TNFAIP8: variants seen among roughly 807,000 people sequenced by gnomAD.
TNFAIP8 encodes the protein TNF alpha induced protein 8.
A neutral mutation model predicts 13.3 loss-of-function variants in TNFAIP8; 7 were observed. That is an observed-to-expected ratio of 0.52 (90% CI 0.30 to 0.99). The LOEUF is 0.99. Among genes scored for constraint, TNFAIP8 ranks in the 50% least tolerant of loss-of-function variants. The pLI is 0.07. For synonymous variants in TNFAIP8, 94 were observed against 87.6 expected, an observed-to-expected ratio of 1.07 and a Z score of -0.41; for missense variants, 258 against 236.9, an observed-to-expected ratio of 1.09 and a Z score of -0.58.
chr5:119,273,186 G>A (rs533990668), intron 1 of TNFAIP8, among the ~76,000 whole-genome samples: 1 of 152,260 alleles, frequency 6.6e-6, no homozygotes, highest in South Asian at 2.1e-4. Flanking sequence ...GTAAAAACTG[G>A]GGATAGTATT....
Position 119,393,124 on chromosome 5 carries a change from G to A in TNFAIP8, c.340G>A (p.Val114Ile). 1.2e-6 allele frequency: 2 copies of A among 1,613,998 alleles called. No homozygotes were observed. The highest frequency in any genetic ancestry group is 1.1e-5 in the South Asian group (1 of 91,086). Residue 114 changes from valine (V) to isoleucine (I), a missense_variant, in exon 2 of 2, where the codon GTC becomes ATC. Transcript: ENST00000504771. ...AGTTCATCAGCTTGCTATGACCGTG[G>A]TCAGTTTCCATCAGGTGGATTATAC... ...KKVHQLAMTVVSFHQVDYTFD... is the reference protein window; with the variant it reads ...KKVHQLAMTVISFHQVDYTFD...
chr5:119,322,621 A>G (rs1418467835), intron 1 of TNFAIP8, among the ~76,000 whole-genome samples: 1 of 152,208 alleles, frequency 6.6e-6, no homozygotes, highest in East Asian at 1.9e-4. Context: ...CTGGTCCTCC[A>G]TAATCCACTT....
chr5:119,385,277 G>T (rs1392495402), intron 1 of TNFAIP8, among the ~76,000 whole-genome samples: 1 of 152,192 alleles, frequency 6.6e-6, no homozygotes, highest in African/African-American at 2.4e-5. Context: ...CATCCATGCT[G>T]TTCTTAATTG....
At chr5:119,322,056 C>T (rs575678098) in intron 1 of TNFAIP8, among the ~76,000 whole-genome samples, 1 of 152,288 alleles carries the variant, frequency 6.6e-6, no homozygotes, top group Admixed American at 6.5e-5. Context: ...AGCCCCTTCC[C>T]TATAGATTGT....
chr5:119,318,129 C>T (rs777305788), intron 1 of TNFAIP8, among the ~76,000 whole-genome samples: 4 of 151,994 alleles, frequency 2.6e-5, no homozygotes, highest in Non-Finnish European at 4.4e-5. Flanking sequence ...TTTTCTTCCC[C>T]AAAACTGATC....
At chr5:119,381,446 G>A (rs960638132) in intron 1 of TNFAIP8, among the ~76,000 whole-genome samples, 4 of 152,096 alleles carry the variant, frequency 2.6e-5, no homozygotes, top group Admixed American at 6.5e-5. Context: ...AGGCTGAGGT[G>A]GGAGGATTAC....
rs141341681 is a variant in TNFAIP8 at position 119,301,537 on chromosome 5, TG to T, written c.1+32631del. Reference sequence around the variant, plus strand: ...ATATGTGGTTTTGCCATTATTTATATGCCATAGCTCCTTCAGGCTGGAGACA... The same window carrying T: ...ATATGTGGTTTTGCCATTATTTATATCCATAGCTCCTTCAGGCTGGAGACA... On this transcript the variant is annotated intron_variant, in intron 1 of 1. Coordinates refer to the TNFAIP8 transcript ENST00000274456. Among the ~76,000 whole-genome samples the T allele has an allele frequency of 6.3e-3, 961 of 152,362 alleles. 13 individuals are homozygous for T. Among genetic ancestry groups the T allele is most frequent in the East Asian group, 0.063 (324 of 5,182 alleles).
chr5:119,279,651 AG>A (rs1748569770), intron 1 of TNFAIP8, among the ~76,000 whole-genome samples: 2 of 152,126 alleles, frequency 1.3e-5, no homozygotes, highest in African/African-American at 4.8e-5. Flanking sequence ...GCACAATCAT[AG>A]CACACTACAA....
chr5:119,309,592 A>C (rs1425643701), intron 1 of TNFAIP8, among the ~76,000 whole-genome samples: 1 of 152,236 alleles, frequency 6.6e-6, no homozygotes, highest in East Asian at 1.9e-4. Flanking sequence ...AGGAAATGGC[A>C]GAAGAGCAGG....
intron 1 of TNFAIP8, among the ~76,000 whole-genome samples, chr5:119,341,686 C>A (rs1273914820): frequency 1.3e-5 from 2 of 152,188 alleles, no homozygotes; most frequent in Non-Finnish European, 2.9e-5. Context: ...CAAAAGAAAT[C>A]ATATCTTCAC....
intron 1 of TNFAIP8, among the ~76,000 whole-genome samples, chr5:119,361,948 C>T (rs1461135969): frequency 2.0e-5 from 3 of 152,202 alleles, no homozygotes; most frequent in African/African-American, 4.8e-5. Context: ...ATAGCACCTC[C>T]TCTGCAGGGC....
intron 1 of TNFAIP8, among the ~76,000 whole-genome samples, chr5:119,313,027 A>G (rs1050210224): frequency 6.6e-6 from 1 of 152,200 alleles, no homozygotes; most frequent in African/African-American, 2.4e-5. Flanking sequence ...ACTTGGCTTA[A>G]TATTAAGAAG....
intron 1 of TNFAIP8, among the ~76,000 whole-genome samples, chr5:119,389,119 T>C (rs1752795903): frequency 1.3e-5 from 2 of 152,006 alleles, no homozygotes; most frequent in African/African-American, 4.8e-5. Context: ...GAGAGAATGG[T>C]ATGGTGGATG....
chr5:119,393,339 A>G lies in TNFAIP8; in HGVS notation c.555A>G (p.Leu185=), dbSNP rs76565973. The G allele has an allele frequency of 5.0e-6, 8 of 1,613,944 alleles. No individual in the cohort carries two copies. The highest frequency in any genetic ancestry group is 2.2e-5 in the East Asian group (1 of 44,884). Residue 185 remains leucine, a synonymous_variant, in exon 2 of 2, where the codon CTA becomes CTG. Coordinates refer to ENST00000504771, the MANE Select transcript of TNFAIP8 (RefSeq NM_014350.4). ...ATTTTAAACCCCACTTACAAAAACT[A>G]TGTGATGGTATCAACAAAATGTTGG... ...FGNFKPHLQK[L]CDGINKMLDE...
chr5:119,356,320 C>T (rs1751413534), intron 1 of TNFAIP8, among the ~76,000 whole-genome samples, 199 bp downstream of exon 1: 1 of 152,144 alleles, frequency 6.6e-6, no homozygotes, highest in Non-Finnish European at 1.5e-5. Context: ...CGCAGCCGTT[C>T]AGAGGGGAGG....
At chr5:119,332,897 C>G (rs1404733482) in intron 1 of TNFAIP8, among the ~76,000 whole-genome samples, 1 of 152,072 alleles carries the variant, frequency 6.6e-6, no homozygotes, top group Non-Finnish European at 1.5e-5. Flanking sequence ...ATTATGAAAA[C>G]CTTATATACT....
chr5:119,380,213 A>G (rs1457106007), intron 1 of TNFAIP8, among the ~76,000 whole-genome samples: 1 of 152,242 alleles, frequency 6.6e-6, no homozygotes, highest in African/African-American at 2.4e-5. Context: ...TAGTGAAAAT[A>G]TCTTGCAAAC....
intron 1 of TNFAIP8, among the ~76,000 whole-genome samples, chr5:119,347,736 G>A (rs6884061): frequency 0.22 from 33,354 of 152,024 alleles, 3,793 homozygotes; most frequent in African/African-American, 0.22. Context: ...CCCTGTTTGG[G>A]TAAGTTCTGC....
At chr5:119,308,309 A>G (rs1749626774) in intron 1 of TNFAIP8, among the ~76,000 whole-genome samples, 1 of 151,968 alleles carries the variant, frequency 6.6e-6, no homozygotes, top group Non-Finnish European at 1.5e-5. Context: ...TGGTGTTGGC[A>G]AGTTTTGTCC....
Sources: allele counts gnomAD v4.1 joint callset (sites outside exome capture counted in the v4.1 genomes callset), GRCh38; gene constraint gnomAD v4.1.1; transcripts MANE v1.5; gene names NCBI Gene and HGNC (gene_info 2026-07-23, HGNC 2026-07-21).